KIAA1217: variants seen among roughly 807,000 people sequenced by gnomAD.
KIAA1217 encodes the protein sickle tail protein homolog.
A neutral mutation model predicts 163.9 loss-of-function variants in KIAA1217; 88 were observed. That is an observed-to-expected ratio of 0.54 (90% CI 0.45 to 0.64). The LOEUF (loss-of-function observed/expected upper bound fraction) is 0.64, where lower values mean the gene tolerates loss of function less well. Ranked by LOEUF, KIAA1217 falls within the 30% of genes least tolerant of loss-of-function variation. KIAA1217 has a pLI of 0.00. For missense variants in KIAA1217, 2,372 were observed against 2,475.0 expected (o/e 0.96, Z 0.88); for synonymous variants, 903 against 923.1 (o/e 0.98, Z 0.39).
chr10:24,354,112 T>C (rs950843257), intron 2 of KIAA1217, among the ~76,000 whole-genome samples: 32 of 152,322 alleles, frequency 2.1e-4, no homozygotes, highest in Admixed American at 1.1e-3. Context: ...GAACTGCCAA[T>C]TGATGATGGC....
intron 2 of KIAA1217, among the ~76,000 whole-genome samples, chr10:24,045,697 C>T (rs1848963839): frequency 6.6e-6 from 1 of 152,080 alleles, no homozygotes; most frequent in South Asian, 2.1e-4. Context: ...TGTATATAAG[C>T]AATATATTCG....
At chr10:24,506,216 C>T (rs778582785) in intron 9 of KIAA1217, among the ~76,000 whole-genome samples, 42 of 152,166 alleles carry the variant, frequency 2.8e-4, no homozygotes, top group Non-Finnish European at 5.1e-4. Context: ...GATCAGGAGT[C>T]GTTCTGAGGT....
chr10:24,129,980 C>T (rs1378603237), intron 2 of KIAA1217, among the ~76,000 whole-genome samples: 1 of 152,022 alleles, frequency 6.6e-6, no homozygotes, highest in East Asian at 1.9e-4. Context: ...ACTTCCTGTA[C>T]CCCCTTCCTC....
At chr10:24,141,235 C>CCA (rs986704156) in intron 2 of KIAA1217, among the ~76,000 whole-genome samples, 1 of 135,204 alleles carries the variant, frequency 7.4e-6, no homozygotes, top group Non-Finnish European at 1.6e-5. Flanking sequence ...ACCCCCCCCC[C>CCA]CCATTTCTCT....
chr10:23,878,717 G>A (rs1017954565), intron 1 of KIAA1217, among the ~76,000 whole-genome samples: 3 of 151,932 alleles, frequency 2.0e-5, no homozygotes, highest in African/African-American at 7.2e-5. Context: ...GAAGAAGTAA[G>A]GAGCAGGAGG....
intron 1 of KIAA1217, among the ~76,000 whole-genome samples, chr10:23,833,854 A>AT (rs1162380504): frequency 1.3e-5 from 2 of 151,862 alleles, no homozygotes; most frequent in Non-Finnish European, 2.9e-5. Context: ...TTAAATATAT[A>AT]TTTTTTATTT....
At chr10:24,330,619 G>A (rs2045551467) in intron 2 of KIAA1217, among the ~76,000 whole-genome samples, 2 of 151,846 alleles carry the variant, frequency 1.3e-5, no homozygotes, top group Admixed American at 1.3e-4. Context: ...AACAGTAGGG[G>A]CATTTTTTAT....
chr10:23,710,162 T>C (rs1441131135), intron 1 of KIAA1217, among the ~76,000 whole-genome samples: 2 of 151,026 alleles, frequency 1.3e-5, no homozygotes, highest in Non-Finnish European at 2.9e-5. Context: ...GACGGGGCCT[T>C]CTGTTACCTT....
intron 2 of KIAA1217, among the ~76,000 whole-genome samples, chr10:24,017,040 G>GTTTTTTT (rs35042335): frequency 1.1e-3 from 147 of 130,008 alleles, no homozygotes; most frequent in Middle Eastern, 3.9e-3. Flanking sequence ...TAGTTTTTTT[G>GTTTTTTT]TTTTTTTTTT....
chr10:24,000,532 G>A (rs115306872), intron 1 of KIAA1217, among the ~76,000 whole-genome samples: 2 of 152,174 alleles, frequency 1.3e-5, no homozygotes, highest in South Asian at 2.1e-4. Flanking sequence ...CCAGTCTCTC[G>A]TATGTCCTTA....
At chr10:23,711,535 A>G (rs1837256695) in intron 1 of KIAA1217, among the ~76,000 whole-genome samples, 1 of 152,194 alleles carries the variant, frequency 6.6e-6, no homozygotes, top group African/African-American at 2.4e-5. Flanking sequence ...TAGAACTCTA[A>G]TGTAGTAAAT....
Position 23,833,616 on chromosome 10 carries a change from T to C in KIAA1217, c.-321+138382T>C, listed in dbSNP as rs540108169. ...CACTTCACATCTTAATAGTCTCTCTTTCATCTTCATTTTCTTGTTTACAGT... is the reference window on the plus strand; with the variant it reads ...CACTTCACATCTTAATAGTCTCTCTCTCATCTTCATTTTCTTGTTTACAGT... On this transcript the variant is annotated intron_variant, in intron 1 of 18. Transcript: ENST00000376462. 3.3e-5 allele frequency among the ~76,000 whole-genome samples: 5 copies of C among 152,294 alleles called. No individual in the cohort carries two copies. The East Asian group carries it at 9.6e-4, about 29-fold the overall frequency.
At chr10:24,209,907 T>C (rs1245793332) in intron 1 of KIAA1217, among the ~76,000 whole-genome samples, 6 of 152,188 alleles carry the variant, frequency 3.9e-5, no homozygotes, top group Non-Finnish European at 8.8e-5. Context: ...AATAGACTTG[T>C]CTTTTCCGTA....
intron 1 of KIAA1217, among the ~76,000 whole-genome samples, chr10:23,996,451 A>C (rs1490444472): frequency 6.6e-6 from 1 of 152,148 alleles, no homozygotes; most frequent in South Asian, 2.1e-4. Context: ...CTAGACAGCA[A>C]ACACAACGGC....
At chr10:23,753,749 C>A (rs1387244797) in intron 1 of KIAA1217, among the ~76,000 whole-genome samples, 3 of 152,168 alleles carry the variant, frequency 2.0e-5, no homozygotes, top group Non-Finnish European at 4.4e-5. Context: ...CCAAACTAAT[C>A]TCAACAGTTT....
At chr10:23,759,054 G>A (rs1834101459) in intron 1 of KIAA1217, among the ~76,000 whole-genome samples, 1 of 152,072 alleles carries the variant, frequency 6.6e-6, no homozygotes, top group African/African-American at 2.4e-5. Context: ...CCATGAACAT[G>A]GGAAATCTTT....
At chr10:24,385,856 G>A (rs965720893) in intron 3 of KIAA1217, among the ~76,000 whole-genome samples, 8 of 152,150 alleles carry the variant, frequency 5.3e-5, no homozygotes, top group Non-Finnish European at 1.0e-4. Context: ...AAAAATGGTC[G>A]GGCTGATATT....
intron 2 of KIAA1217, among the ~76,000 whole-genome samples, chr10:24,186,884 C>G (rs370692318): frequency 6.6e-6 from 1 of 151,930 alleles, no homozygotes; most frequent in Non-Finnish European, 1.5e-5. Context: ...AGTGAGACTC[C>G]GTCTAAAAAA....
chr10:24,368,132 C>A (rs1264373351), intron 2 of KIAA1217, among the ~76,000 whole-genome samples: 3 of 152,224 alleles, frequency 2.0e-5, no homozygotes, highest in Non-Finnish European at 4.4e-5. Context: ...CATCCCAATT[C>A]TGATGAGTGT....
Sources: gnomAD v4.1 joint callset for allele counts (sites outside exome capture counted in the v4.1 genomes callset) on GRCh38, gnomAD v4.1.1 for gene constraint, MANE v1.5 for transcripts, NCBI Gene and HGNC (gene_info 2026-07-23, HGNC 2026-07-21) for gene names.